NRDE2: variants seen among roughly 807,000 people sequenced by gnomAD.
NRDE2 encodes nuclear exosome regulator NRDE2.
A neutral mutation model predicts 124.2 loss-of-function variants in NRDE2; 76 were observed. The observed-to-expected ratio is 0.61, with a 90% CI of 0.51 to 0.74. The LOEUF is 0.74. NRDE2 is among the 30% of genes least tolerant of loss of function. The probability of loss-of-function intolerance (pLI) is 0.00; values close to 1 mark genes in which losing one functional copy is unlikely to be tolerated. For missense variants in NRDE2, 1,314 were observed against 1,417.3 expected, an observed-to-expected ratio of 0.93 and a Z score of 1.17; for synonymous variants, 489 against 528.1, an observed-to-expected ratio of 0.93 and a Z score of 1.01.
rs183671971 is a variant in NRDE2, at chr14:90,269,784, C to T, written c.*8552G>A. The T allele has an allele frequency of 6.5e-4, 287 of 440,786 alleles. 2 individuals are homozygous for T. Among genetic ancestry groups the T allele is most frequent in the African/African-American group, 4.4e-3 (219 of 49,600 alleles). 27.3% of individuals were successfully genotyped at this position (440,786 alleles called of 1,614,324 possible). A position where few individuals can be genotyped will look rare whatever the true frequency, so the allele number is the denominator to read the frequency against. On this transcript the variant is annotated 3_prime_UTR_variant, in exon 14 of 14. Transcript: ENST00000354366. ...ATGTCTTGTCTTTTCTTTTCCATAA[C>T]ATTCCCTTTTTAGCCTCAAGAACTT... is the stretch of plus-strand genomic sequence containing the variant.
chr14:90,270,407 A>G lies in NRDE2; in HGVS notation c.*7929T>C, dbSNP rs548934829. 2 of 1,572,794 alleles carry G rather than the reference A, an allele frequency of 1.3e-6. No homozygotes were observed. Among genetic ancestry groups the G allele is most frequent in the East Asian group, 2.3e-5 (1 of 44,032 alleles). On this transcript the variant is annotated 3_prime_UTR_variant, in exon 14 of 14. Transcript: ENST00000354366. ...TGGGAATGTGGCCGTCAATCAGGAA[A>G]GAGTCTATATGTGCTCTTGGGATGG...
At position 90,312,399 on chromosome 14, in the gene NRDE2, T is replaced by C; in HGVS notation, c.552A>G (p.Ile184Met). The change falls in exon 4 of 14, where the codon ATA becomes ATG. Residue 184 changes from isoleucine (I) to methionine (M), a missense_variant. Ile to Met is a conservative substitution (Grantham distance 10). Transcript: ENST00000354366. ...GGGGAAAACAAGGTGACTACCTTGC[T>C]ATATCCCCTCGGTAGAGAGACTTGT... The part of the protein sequence containing the change: ...WEYKSLYRGD[I>M]ARYKRKGDSC... 1.2e-6 allele frequency: 2 copies of C among 1,613,758 alleles called. No individual in the cohort carries two copies. Among genetic ancestry groups the C allele is most frequent in the Non-Finnish European group, 1.7e-6 (2 of 1,179,892 alleles).
chr14:90,309,821 G>C (rs1197920675), intron 4 of NRDE2, among the ~76,000 whole-genome samples: 1 of 152,152 alleles, frequency 6.6e-6, no homozygotes, highest in Non-Finnish European at 1.5e-5. Flanking sequence ...ACTAATCCAG[G>C]CAAGATTTGT....
chr14:90,325,494 C>T (rs1885392853), intron 1 of NRDE2, among the ~76,000 whole-genome samples: 1 of 152,122 alleles, frequency 6.6e-6, no homozygotes, highest in South Asian at 2.1e-4. Context: ...AGACTCCTTA[C>T]TGAATGTGAT....
chr14:90,300,615 G>A (rs200969569), intron 7 of NRDE2, among the ~76,000 whole-genome samples: 6 of 150,784 alleles, frequency 4.0e-5, no homozygotes, highest in East Asian at 4.1e-4. Context: ...GGCAATGCTC[G>A]CTTGTCATCT....
intron 1 of NRDE2, among the ~76,000 whole-genome samples, chr14:90,326,501 A>C (rs1304818330): frequency 2.8e-5 from 2 of 72,042 alleles, no homozygotes; most frequent in African/African-American, 1.0e-4. Context: ...ACTCTGTCTC[A>C]AAAAAAAAAA....
intron 11 of NRDE2, 134 bp from the exon 12 acceptor site, chr14:90,286,626 G>A (rs1309670793): frequency 8.8e-7 from 1 of 1,139,082 alleles, no homozygotes; most frequent in African/African-American, 1.6e-5. Flanking sequence ...TGTCCCTCAG[G>A]CGTAGAGCGC....
chr14:90,273,866 CCT>C lies in NRDE2; in HGVS notation c.*4468_*4469del, dbSNP rs1891730987. 1 of 154,964 alleles carries C rather than the reference CCT, an allele frequency of 6.5e-6. No homozygotes were observed. The highest frequency in any genetic ancestry group is 1.5e-5 in the Non-Finnish European group (1 of 68,384). The allele number at this position is 154,964 out of a possible 1,614,324, so 9.6% of individuals were successfully genotyped here. A position where few individuals can be genotyped will look rare whatever the true frequency, so the allele number is the denominator to read the frequency against. On this transcript the variant is annotated 3_prime_UTR_variant, in exon 14 of 14. Transcript: ENST00000354366. Reference sequence around the variant, plus strand: ...TCCACCAGCAGCAGCAGGCCCAGTCCCTCTCTCCCACCGACCCTTCTTTCTGC... The same window carrying C: ...TCCACCAGCAGCAGCAGGCCCAGTCCCTCTCCCACCGACCCTTCTTTCTGC...
intron 7 of NRDE2, among the ~76,000 whole-genome samples, chr14:90,300,222 T>A (rs1052122511): frequency 1.5e-4 from 23 of 152,200 alleles, no homozygotes; most frequent in African/African-American, 5.3e-4. Context: ...CAGCTGAGAA[T>A]CACTTCTGTA....
At chr14:90,310,858 G>C (rs2139699731) in intron 4 of NRDE2, among the ~76,000 whole-genome samples, 1 of 152,182 alleles carries the variant, frequency 6.6e-6, no homozygotes, top group South Asian at 2.1e-4. Context: ...ACCCTGTGGT[G>C]GCATGGAAAA....
Position 90,292,742 on chromosome 14 carries a change from C to T in NRDE2, c.1797G>A (p.Lys599=), listed in dbSNP as rs1309730365. 1.9e-6 allele frequency: 3 copies of T among 1,614,090 alleles called. No homozygotes were observed. In the African/African-American group the frequency reaches 4.0e-5, roughly 22 times the overall value. Residue 599 remains lysine, a synonymous_variant, in exon 9 of 14, where the codon AAG becomes AAA. Coordinates refer to ENST00000354366, the MANE Select transcript of NRDE2 (RefSeq NM_017970.4). ...QRHWRPWRPD[K]TKKQTEEDCE... The stretch of plus-strand genomic sequence containing the variant: ...AGTCTTCCTCGGTTTGCTTCTTGGT[C>T]TTATCAGGGCGCCAGGGCCGCCAGT...
In NRDE2 at chr14:90,320,744, G is replaced by GCCTA. The variant is rs543369243; in HGVS notation, c.65-2635_65-2632dup. ...AGAAGTGACAGGTTCCAACTTAAGT[G>GCCTA]CCTACAGCAGGCCAAACACCAGGCT... On this transcript the variant is annotated intron_variant, in intron 1 of 13. Coordinates refer to ENST00000354366, the MANE Select transcript of NRDE2 (RefSeq NM_017970.4). Among the ~76,000 whole-genome samples, 26 of 152,306 alleles carry GCCTA rather than the reference G, an allele frequency of 1.7e-4. No homozygotes were observed. The East Asian group carries it at 1.7e-3, about 10-fold the overall frequency.
chr14:90,307,644 G>A (rs896573611), intron 4 of NRDE2, among the ~76,000 whole-genome samples: 2 of 152,108 alleles, frequency 1.3e-5, no homozygotes, highest in African/African-American at 4.8e-5. Flanking sequence ...GGGAGGCCAA[G>A]GTGGGCGGAT....
rs773173023 is a variant in NRDE2 at position 90,318,025 on chromosome 14, A to G, written c.153T>C (p.Ser51=). The G allele has an allele frequency of 9.3e-6, 15 of 1,614,120 alleles. No individual in the cohort carries two copies. In the East Asian group the frequency reaches 3.3e-4, roughly 36 times the overall value. ...ACTACCTTGTCAGCGGTAACCCTTC[A>G]GAAACATGGGCTGGAGCTGCTTCAG... ...QQTEAAPAHV[S]EGLPLTRSHL... Residue 51 remains serine, a synonymous_variant, in exon 2 of 14, where the codon TCT becomes TCC. Coordinates refer to ENST00000354366, the MANE Select transcript of NRDE2 (RefSeq NM_017970.4).
intron 9 of NRDE2, 91 bp downstream of exon 9, chr14:90,292,606 C>A: frequency 7.2e-7 from 1 of 1,389,786 alleles, no homozygotes; most frequent in Non-Finnish European, 9.9e-7. Context: ...AGAGCTCCAG[C>A]GGCCTCCTTT....
At chr14:90,282,140 T>A (rs1891969570) in intron 12 of NRDE2, among the ~76,000 whole-genome samples, 1 of 152,196 alleles carries the variant, frequency 6.6e-6, no homozygotes, top group Non-Finnish European at 1.5e-5. Context: ...AATTAAAGGA[T>A]TTTAAGTATC....
At chr14:90,286,561 C>A in intron 11 of NRDE2, 69 bp from the exon 12 acceptor site, 6 of 1,556,514 alleles carry the variant, frequency 3.9e-6, no homozygotes, top group Admixed American at 1.9e-5. Context: ...GGAAGAGATG[C>A]CTGAGTGATG....
Position 90,313,378 on chromosome 14 carries a change from G to A in NRDE2, c.408-835C>T, listed in dbSNP as rs139455400. On this transcript the variant is annotated intron_variant, in intron 3 of 13. Coordinates refer to ENST00000354366, the MANE Select transcript of NRDE2 (RefSeq NM_017970.4). ...CCTGACCTCATGATCCACCCGCCTC[G>A]GCCTGCCAAAGTGCTGGGATTACAG... Among the ~76,000 whole-genome samples, 165 of 152,058 alleles carry A rather than the reference G, an allele frequency of 1.1e-3. 1 individual carries two copies. Among genetic ancestry groups the A allele is most frequent in the African/African-American group, 3.8e-3 (158 of 41,468 alleles).
chr14:90,274,030 C>T lies in NRDE2; in HGVS notation c.*4306G>A, dbSNP rs538618641. ...TTCCTTTTGCCATGTAACATTCACACGTTCCAGGGCTTAGGGTGTGGCCAT... is the reference window on the plus strand; with the variant it reads ...TTCCTTTTGCCATGTAACATTCACATGTTCCAGGGCTTAGGGTGTGGCCAT... On this transcript the variant is annotated 3_prime_UTR_variant, in exon 14 of 14. Transcript: ENST00000354366. The T allele has an allele frequency of 4.5e-5, 7 of 155,014 alleles. No homozygotes were observed. In the South Asian group the frequency reaches 6.1e-4, roughly 13 times the overall value. The allele number at this position is 155,014 out of a possible 1,614,324, so 9.6% of individuals were successfully genotyped here.
Sources: allele counts gnomAD v4.1 joint callset (sites outside exome capture counted in the v4.1 genomes callset), GRCh38; gene constraint gnomAD v4.1.1; transcripts MANE v1.5; gene names NCBI Gene and HGNC (gene_info 2026-07-23, HGNC 2026-07-21).